The following DMD variants were observed in gnomAD, a reference collection of about 807,000 sequenced individuals.
DMD encodes the protein mutant dystrophin.
Under a neutral mutation model 330.1 loss-of-function variants are expected in DMD, and 63 were observed. That is an observed-to-expected ratio of 0.19 (90% CI 0.16 to 0.24). The LOEUF is 0.24. Ranked by LOEUF, DMD falls within the 10% of genes least tolerant of loss-of-function variation. The probability of loss-of-function intolerance (pLI) is 1.00; values close to 1 mark genes in which losing one functional copy is unlikely to be tolerated. For missense variants in DMD, 3,344 were observed against 2,684.1 expected (o/e 1.25, Z -5.43); for synonymous variants, 1,223 against 959.8 (o/e 1.27, Z -5.07).
At chrX:33,030,029 T>A (rs149411175) in intron 1 of DMD, among the ~76,000 whole-genome samples, 1,118 of 111,663 alleles carry the variant, frequency 0.01, 7 homozygotes, top group South Asian at 0.015. Context: ...TGGCCTTGAG[T>A]AAGTTACTTA....
chrX:32,143,949 T>A (rs1603627019), intron 44 of DMD, among the ~76,000 whole-genome samples: 1 of 110,888 alleles, frequency 9.0e-6, no homozygotes, highest in African/African-American at 3.3e-5. Context: ...TTCAATGTGA[T>A]TATGAGGCCC....
intron 2 of DMD, among the ~76,000 whole-genome samples, chrX:32,956,107 A>T (rs1243177552): frequency 2.7e-5 from 3 of 109,450 alleles, no homozygotes; most frequent in Non-Finnish European, 5.7e-5. Flanking sequence ...TAGGAATAGC[A>T]TTGACTCTAA....
chrX:31,494,777 A>G (rs1378102329), intron 57 of DMD, among the ~76,000 whole-genome samples: 1 of 112,307 alleles, frequency 8.9e-6, no homozygotes, highest in African/African-American at 3.2e-5. Flanking sequence ...CTCATATTAC[A>G]GTTGAAGAAC....
At chrX:31,414,115 G>T (rs1278754180) in intron 60 of DMD, among the ~76,000 whole-genome samples, 1 of 111,467 alleles carries the variant, frequency 9.0e-6, no homozygotes, top group South Asian at 3.8e-4. Flanking sequence ...CTGGGTTCCA[G>T]CAATTCTCCT....
chrX:32,290,962 G>A (rs771488727), intron 42 of DMD, among the ~76,000 whole-genome samples: 4 of 111,914 alleles, frequency 3.6e-5, no homozygotes, highest in African/African-American at 1.3e-4. Context: ...CGAAGAAGGT[G>A]CAAATTGCAG....
At chrX:32,473,691 G>A (rs1488096630) in intron 21 of DMD, among the ~76,000 whole-genome samples, 1 of 111,005 alleles carries the variant, frequency 9.0e-6, no homozygotes, top group East Asian at 2.8e-4. Context: ...TGTTTATATT[G>A]CATTTATTTG....
chrX:31,514,511 C>T lies in DMD; in HGVS notation c.8218-7058G>A, dbSNP rs191558156. ...GCAGTTAAATAGACATAGGTTTGACCCTTCTCTTCTCTTTCCCTTATTAGC... is the reference window on the plus strand; with the variant it reads ...GCAGTTAAATAGACATAGGTTTGACTCTTCTCTTCTCTTTCCCTTATTAGC... On this transcript the variant is annotated intron_variant, in intron 55 of 78. Transcript: ENST00000357033. Among the ~76,000 whole-genome samples, 27 of 111,697 alleles carry T rather than the reference C, an allele frequency of 2.4e-4. No homozygotes were observed. The East Asian group carries it at 6.2e-3, about 26-fold the overall frequency.
intron 60 of DMD, among the ~76,000 whole-genome samples, chrX:31,397,791 G>C (rs1418879507): frequency 8.9e-6 from 1 of 112,088 alleles, no homozygotes; most frequent in Non-Finnish European, 1.9e-5. Flanking sequence ...CCCCAACGGA[G>C]ATGTGAAATT....
intron 2 of DMD, among the ~76,000 whole-genome samples, chrX:33,011,000 A>G (rs971177145): frequency 9.0e-6 from 1 of 111,372 alleles, no homozygotes; most frequent in Non-Finnish European, 1.9e-5. Context: ...GGTAATTCCA[A>G]TGCGTTTTGC....
At chrX:31,678,396 C>G (rs780975475) in intron 53 of DMD, among the ~76,000 whole-genome samples, 2 of 112,114 alleles carry the variant, frequency 1.8e-5, no homozygotes, top group Admixed American at 1.9e-4. Flanking sequence ...TACCCTAAAG[C>G]TTAACCATTG....
chrX:32,965,519 T>TG (rs1202930463), intron 2 of DMD, among the ~76,000 whole-genome samples: 1 of 78,568 alleles, frequency 1.3e-5, no homozygotes, highest in Non-Finnish European at 2.5e-5. Flanking sequence ...AGAAGTGGGG[T>TG]GGGGGGGTTA....
chrX:32,228,019 T>A (rs185679490), intron 43 of DMD, among the ~76,000 whole-genome samples: 199 of 111,234 alleles, frequency 1.8e-3, no homozygotes, highest in African/African-American at 6.4e-3. Flanking sequence ...TACACACATA[T>A]CAGAAACTTG....
chrX:33,327,656 T>A (rs1422551090), intron 1 of DMD, among the ~76,000 whole-genome samples: 1 of 111,796 alleles, frequency 8.9e-6, no homozygotes, highest in African/African-American at 3.2e-5. Context: ...AAAGAGGTTA[T>A]CCCTAAGACC....
At chrX:32,826,457 G>A (rs968452346) in intron 4 of DMD, among the ~76,000 whole-genome samples, 1 of 110,859 alleles carries the variant, frequency 9.0e-6, no homozygotes, top group African/African-American at 3.3e-5. Context: ...GTAGATGAAA[G>A]AATAAAGAAA....
At chrX:32,724,228 C>G (rs752937878) in intron 7 of DMD, among the ~76,000 whole-genome samples, 1 of 111,294 alleles carries the variant, frequency 9.0e-6, no homozygotes, top group Non-Finnish European at 1.9e-5. Context: ...ATAATAAACT[C>G]TAAATTAAAT....
At chrX:33,145,118 G>A (rs2047963729) in intron 1 of DMD, among the ~76,000 whole-genome samples, 1 of 112,008 alleles carries the variant, frequency 8.9e-6, no homozygotes, top group Non-Finnish European at 1.9e-5. Flanking sequence ...ATGTATTTTT[G>A]TAACTTCACA....
intron 56 of DMD, among the ~76,000 whole-genome samples, chrX:31,505,710 T>G (rs758485791): frequency 1.8e-5 from 2 of 110,843 alleles, no homozygotes; most frequent in African/African-American, 6.6e-5. Context: ...CTCGGCTCAC[T>G]GCAACCTCCA....
At chrX:31,411,015 T>C (rs150618818) in intron 60 of DMD, among the ~76,000 whole-genome samples, 7,249 of 105,532 alleles carry the variant, frequency 0.069, 484 homozygotes, top group African/African-American at 0.19. Context: ...ATCCCCCTGC[T>C]TCGGCCTCCC....
intron 60 of DMD, among the ~76,000 whole-genome samples, chrX:31,414,198 A>T (rs1356271782): frequency 9.1e-6 from 1 of 110,261 alleles, no homozygotes; most frequent in African/African-American, 3.3e-5. Context: ...TGTATTCAGT[A>T]GAGACAGGGT....
Sources: allele counts gnomAD v4.1 joint callset (sites outside exome capture counted in the v4.1 genomes callset), GRCh38; gene constraint gnomAD v4.1.1; transcripts MANE v1.5; gene names NCBI Gene and HGNC (gene_info 2026-07-23, HGNC 2026-07-21).